CNTN4: variants seen among roughly 807,000 people sequenced by gnomAD.
CNTN4 encodes contactin-4.
Under a neutral mutation model 122.5 loss-of-function variants are expected in CNTN4, and 77 were observed. That is an observed-to-expected ratio of 0.63 (90% CI 0.52 to 0.76). CNTN4 has a LOEUF of 0.76. Ranked by LOEUF, CNTN4 falls within the 30% of genes least tolerant of loss-of-function variation. CNTN4 has a pLI of 0.00. For synonymous variants in CNTN4, 512 were observed against 447.0 expected (o/e 1.15, Z -1.83); for missense variants, 1,256 against 1,259.1 (o/e 1.00, Z 0.04).
intron 3 of CNTN4, among the ~76,000 whole-genome samples, chr3:2,348,120 A>G (rs866347777): frequency 2.6e-4 from 40 of 152,196 alleles, no homozygotes; most frequent in African/African-American, 9.2e-4. Context: ...TTGTGACAGC[A>G]TTCCCCAAGA....
chr3:2,192,917 C>G (rs2129765), intron 2 of CNTN4, among the ~76,000 whole-genome samples: 20,104 of 152,116 alleles, frequency 0.13, 1,581 homozygotes, highest in East Asian at 0.26. Context: ...GTGTGTTTTG[C>G]TGTGTGATCC....
At chr3:2,139,164 G>A (rs1041229411) in intron 2 of CNTN4, among the ~76,000 whole-genome samples, 5 of 152,068 alleles carry the variant, frequency 3.3e-5, no homozygotes, top group African/African-American at 9.7e-5. Context: ...ATCCTGGTTT[G>A]TAGTCCCCTT....
intron 8 of CNTN4, among the ~76,000 whole-genome samples, chr3:2,880,753 G>C (rs1199865003): frequency 6.6e-6 from 1 of 152,192 alleles, no homozygotes; most frequent in Non-Finnish European, 1.5e-5. Context: ...AGATTAAGAT[G>C]AGGAGTCAGG....
intron 6 of CNTN4, among the ~76,000 whole-genome samples, chr3:2,775,275 A>C (rs1391037229): frequency 6.6e-6 from 1 of 152,046 alleles, no homozygotes; most frequent in Admixed American, 6.5e-5. Flanking sequence ...ATCTGTTTTC[A>C]AGCCTCATCT....
intron 2 of CNTN4, among the ~76,000 whole-genome samples, chr3:2,315,516 A>T (rs546040564): frequency 4.1e-4 from 62 of 151,892 alleles, no homozygotes; most frequent in Admixed American, 1.2e-3. Context: ...CGAGATTTCT[A>T]TTTTTCTATT....
intron 4 of CNTN4, among the ~76,000 whole-genome samples, chr3:2,612,136 ACACAACAG>A (rs2081523624): frequency 7.3e-6 from 1 of 137,154 alleles, no homozygotes; most frequent in African/African-American, 2.7e-5. Flanking sequence ...ACACACACAC[ACACAACAG>A]ACAGAGATAC....
intron 13 of CNTN4, among the ~76,000 whole-genome samples, chr3:2,975,634 C>T (rs1306795893): frequency 2.0e-5 from 3 of 152,112 alleles, no homozygotes; most frequent in Non-Finnish European, 4.4e-5. Flanking sequence ...TTTCTGTCCA[C>T]GTCTTCTTTA....
At chr3:2,137,542 T>G (rs751296835) in intron 2 of CNTN4, among the ~76,000 whole-genome samples, 1 of 152,214 alleles carries the variant, frequency 6.6e-6, no homozygotes, top group Non-Finnish European at 1.5e-5. Flanking sequence ...TTGTATTGCC[T>G]GCAGGCGATT....
At chr3:2,895,598 A>G (rs1306510167) in intron 10 of CNTN4, among the ~76,000 whole-genome samples, 2 of 152,244 alleles carry the variant, frequency 1.3e-5, no homozygotes, top group African/African-American at 2.4e-5. Context: ...TGCCAGAAGC[A>G]AGTCAGTTGT....
chr3:2,249,585 G>A (rs1157673268), intron 2 of CNTN4, among the ~76,000 whole-genome samples: 1 of 151,878 alleles, frequency 6.6e-6, no homozygotes, highest in Non-Finnish European at 1.5e-5. Flanking sequence ...GAGGTTTACA[G>A]GAAGCACAAA....
chr3:2,963,626 G>A (rs62232859), intron 13 of CNTN4, among the ~76,000 whole-genome samples: 36,690 of 152,030 alleles, frequency 0.24, 5,165 homozygotes, highest in Middle Eastern at 0.35. Flanking sequence ...AATACAAAGA[G>A]AGGCCTTCCA....
chr3:2,970,205 T>C (rs1448732583), intron 13 of CNTN4, among the ~76,000 whole-genome samples: 1 of 151,480 alleles, frequency 6.6e-6, no homozygotes, highest in African/African-American at 2.4e-5. Flanking sequence ...AGCAATCCTC[T>C]AGCCTCACCT....
At chr3:2,988,620 A>G (rs1559758372) in intron 14 of CNTN4, 148 bp downstream of exon 14, 2 of 807,630 alleles carry the variant, frequency 2.5e-6, no homozygotes, top group East Asian at 5.4e-5. Context: ...TGATATGATT[A>G]ATAATTCTTA....
At chr3:2,766,232 A>G (rs1385455505) in intron 6 of CNTN4, among the ~76,000 whole-genome samples, 1 of 152,114 alleles carries the variant, frequency 6.6e-6, no homozygotes, top group African/African-American at 2.4e-5. Context: ...TCCTGATCGC[A>G]TCTATAATTT....
chr3:3,020,385 T>C (rs1242450181), intron 14 of CNTN4, among the ~76,000 whole-genome samples: 1 of 152,150 alleles, frequency 6.6e-6, no homozygotes, highest in African/African-American at 2.4e-5. Flanking sequence ...TGCACAACAA[T>C]GCACTAGCTT....
At chr3:2,444,195 G>A (rs1447004320) in intron 3 of CNTN4, among the ~76,000 whole-genome samples, 2 of 137,848 alleles carry the variant, frequency 1.5e-5, no homozygotes, top group Non-Finnish European at 3.1e-5. Context: ...GCCTTATGAA[G>A]CTTGTATTCT....
At chr3:2,341,612 C>T (rs565284244) in intron 3 of CNTN4, among the ~76,000 whole-genome samples, 1 of 152,336 alleles carries the variant, frequency 6.6e-6, no homozygotes, top group East Asian at 1.9e-4. Flanking sequence ...AGGGCCCAGG[C>T]ACCCTGTGGT....
intron 2 of CNTN4, among the ~76,000 whole-genome samples, chr3:2,153,141 A>G (rs892066753): frequency 6.6e-6 from 1 of 152,200 alleles, no homozygotes; most frequent in African/African-American, 2.4e-5. Context: ...GGAGTTGGAT[A>G]TAGGAGTCTG....
intron 4 of CNTN4, among the ~76,000 whole-genome samples, chr3:2,601,285 G>A (rs1200366915): frequency 2.6e-5 from 4 of 152,182 alleles, no homozygotes; most frequent in South Asian, 4.1e-4. Flanking sequence ...CCATGCCTAT[G>A]TTCTGAATGG....
Sources: allele counts gnomAD v4.1 joint callset (sites outside exome capture counted in the v4.1 genomes callset), GRCh38; gene constraint gnomAD v4.1.1; transcripts MANE v1.5; gene names NCBI Gene and HGNC (gene_info 2026-07-23, HGNC 2026-07-21).